Variants in SIL1 observed in about 807,000 individuals in gnomAD.
SIL1 encodes SIL1 nucleotide exchange factor, also known as nucleotide exchange factor SIL1.
Under a neutral mutation model 49.1 loss-of-function variants are expected in SIL1, and 40 were observed. The observed-to-expected ratio is 0.81, with a 90% CI of 0.63 to 1.06. The LOEUF is 1.06. Ranked by LOEUF, SIL1 falls within the 50% of genes least tolerant of loss-of-function variation. SIL1 has a pLI of 0.00. For synonymous variants in SIL1, 253 were observed against 250.8 expected, an observed-to-expected ratio of 1.01 and a Z score of -0.08; for missense variants, 500 against 572.6, an observed-to-expected ratio of 0.87 and a Z score of 1.29.
intron 1 of SIL1, among the ~76,000 whole-genome samples, chr5:139,161,628 A>G (rs866847665): frequency 2.0e-5 from 3 of 152,196 alleles, no homozygotes; most frequent in Admixed American, 1.3e-4. Flanking sequence ...TTGAGCACCA[A>G]TAACATTTAG....
At position 139,056,141 on chromosome 5, in the gene SIL1, G is replaced by A. The variant is rs369219266; in HGVS notation, c.245-5095C>T. ...CTCTGCTTGGCCACCCATCGTCTGG[G>A]ATGTGAGGAGCCCCTCTGCCTGGCT... On this transcript the variant is annotated intron_variant, in intron 3 of 9. Transcript: ENST00000394817. Among the ~76,000 whole-genome samples, 8 of 151,424 alleles carry A rather than the reference G, an allele frequency of 5.3e-5. 2 individuals carry two copies. The highest frequency in any genetic ancestry group is 2.6e-4 in the Admixed American group (4 of 15,240).
rs142893843 is a variant in SIL1, at chr5:139,097,189, G to A, written c.244+23846C>T. Reference sequence around the variant, plus strand: ...ACAGAATACCAGGTAGATGTCTAAGGTTTTTTACTCTAGTCCCTGACTCCC... The same window carrying A: ...ACAGAATACCAGGTAGATGTCTAAGATTTTTTACTCTAGTCCCTGACTCCC... On this transcript the variant is annotated intron_variant, in intron 3 of 9. Transcript: ENST00000394817. Among the ~76,000 whole-genome samples, 14 of 152,060 alleles carry A rather than the reference G, an allele frequency of 9.2e-5. No individual in the cohort carries two copies. The East Asian group carries it at 2.5e-3, about 28-fold the overall frequency.
chr5:139,050,143 A>G (rs1769255685), intron 4 of SIL1, among the ~76,000 whole-genome samples: 1 of 152,214 alleles, frequency 6.6e-6, no homozygotes, highest in Admixed American at 6.5e-5. Context: ...TAAGAAATGT[A>G]AAAACCAATT....
At chr5:139,057,043 T>G (rs1345731767) in intron 3 of SIL1, among the ~76,000 whole-genome samples, 4 of 152,140 alleles carry the variant, frequency 2.6e-5, no homozygotes, top group Admixed American at 1.3e-4. Context: ...CTCTGAAACA[T>G]GTGCTGTGTC....
intron 5 of SIL1, chr5:139,035,304 C>T: frequency 1.9e-6 from 1 of 525,636 alleles, no homozygotes. Context: ...CCGCATCTGT[C>T]AAGTAATGTT....
chr5:139,109,525 C>T (rs972858167), intron 3 of SIL1, among the ~76,000 whole-genome samples: 6 of 151,920 alleles, frequency 3.9e-5, no homozygotes, highest in Non-Finnish European at 7.4e-5. Context: ...GATCATGACC[C>T]CGCAGATTCC....
At chr5:138,962,785 G>A (rs1767049688) in intron 7 of SIL1, among the ~76,000 whole-genome samples, 1 of 152,178 alleles carries the variant, frequency 6.6e-6, no homozygotes, top group African/African-American at 2.4e-5. Flanking sequence ...CAGTACAGAA[G>A]GAATTCATGG....
intron 7 of SIL1, among the ~76,000 whole-genome samples, chr5:138,987,256 C>T (rs1767667461): frequency 6.6e-6 from 1 of 151,638 alleles, no homozygotes; most frequent in South Asian, 2.1e-4. Context: ...ACTACAGGCA[C>T]ACACCACCAC....
chr5:139,034,722 CA>C (rs1378174789), intron 5 of SIL1, among the ~76,000 whole-genome samples: 1 of 152,124 alleles, frequency 6.6e-6, no homozygotes, highest in Non-Finnish European at 1.5e-5. Flanking sequence ...TTTAAAAACT[CA>C]AAAACATATG....
intron 1 of SIL1, among the ~76,000 whole-genome samples, chr5:139,166,394 G>A (rs1019875279): frequency 6.6e-6 from 1 of 152,172 alleles, no homozygotes; most frequent in Non-Finnish European, 1.5e-5. Context: ...AGGCATAGTG[G>A]CTCATGCCTG....
chr5:138,989,818 T>C (rs968192763), intron 7 of SIL1, among the ~76,000 whole-genome samples: 16 of 152,186 alleles, frequency 1.1e-4, no homozygotes, highest in African/African-American at 3.6e-4. Flanking sequence ...CTAGGACTTC[T>C]CTAACTGCAC....
intron 1 of SIL1, among the ~76,000 whole-genome samples, chr5:139,172,497 G>A (rs1356152786): frequency 6.6e-6 from 1 of 152,068 alleles, no homozygotes; most frequent in African/African-American, 2.4e-5. Flanking sequence ...GCTGGGCATG[G>A]TGGCAGGTGC....
intron 7 of SIL1, among the ~76,000 whole-genome samples, chr5:138,952,179 C>G (rs1050364310): frequency 6.6e-6 from 1 of 152,256 alleles, no homozygotes; most frequent in Admixed American, 6.5e-5. Context: ...ACTGTAAAGA[C>G]ATTTCGATGC....
intron 1 of SIL1, among the ~76,000 whole-genome samples, chr5:139,175,968 A>T (rs1751873132): frequency 6.6e-6 from 1 of 152,138 alleles, no homozygotes; most frequent in Non-Finnish European, 1.5e-5. Context: ...TCAAAAAGAA[A>T]AAAAAAAGAA....
At chr5:139,113,329 TTA>T (rs199888464) in intron 3 of SIL1, among the ~76,000 whole-genome samples, 748 of 51,460 alleles carry the variant, frequency 0.015, 7 homozygotes, top group African/African-American at 0.051. Flanking sequence ...ATAAATAAAT[TTA>T]AAAAAAAAAG....
intron 7 of SIL1, among the ~76,000 whole-genome samples, chr5:139,015,791 A>G (rs1768385162): frequency 6.6e-6 from 1 of 152,246 alleles, no homozygotes. Flanking sequence ...GGCCATCTCT[A>G]AACTAATACA....
intron 3 of SIL1, among the ~76,000 whole-genome samples, chr5:139,090,650 C>T (rs909260297): frequency 2.0e-4 from 31 of 152,140 alleles, no homozygotes; most frequent in Admixed American, 1.9e-3. Context: ...CTCGCTCTGT[C>T]GGCCAGGCTG....
chr5:139,105,473 A>C (rs1770679806), intron 3 of SIL1, among the ~76,000 whole-genome samples: 1 of 152,254 alleles, frequency 6.6e-6, no homozygotes, highest in South Asian at 2.1e-4. Flanking sequence ...TCAAAAAAAA[A>C]ATTCAGCTGT....
chr5:139,104,674 C>A (rs1218003306), intron 3 of SIL1, among the ~76,000 whole-genome samples: 3 of 152,152 alleles, frequency 2.0e-5, no homozygotes, highest in African/African-American at 7.2e-5. Flanking sequence ...CACAAGGACA[C>A]CTGTATATCC....
Sources: gnomAD v4.1 joint callset for allele counts (sites outside exome capture counted in the v4.1 genomes callset) on GRCh38, gnomAD v4.1.1 for gene constraint, MANE v1.5 for transcripts, NCBI Gene and HGNC (gene_info 2026-07-23, HGNC 2026-07-21) for gene names.